RAPGEF4: variants seen among roughly 807,000 people sequenced by gnomAD.
RAPGEF4 encodes the protein RAP guanine-nucleotide-exchange factor (GEF) 4.
RAPGEF4 carries 66 observed loss-of-function variants against 147.9 expected under a neutral mutation model. That is an observed-to-expected ratio of 0.45 (90% confidence interval 0.37 to 0.55). RAPGEF4 has a LOEUF of 0.55. Among genes scored for constraint, RAPGEF4 ranks in the 20% least tolerant of loss-of-function variants. The pLI is 0.00. For missense variants in RAPGEF4, 1,071 were observed against 1,257.3 expected (o/e 0.85, Z 2.24); for synonymous variants, 419 against 442.7 (o/e 0.95, Z 0.67).
intron 4 of RAPGEF4, among the ~76,000 whole-genome samples, chr2:172,861,497 G>A (rs1332831096): frequency 6.6e-6 from 1 of 152,232 alleles, no homozygotes; most frequent in Non-Finnish European, 1.5e-5. Context: ...GACACAGGAA[G>A]TGAATGCTAT....
chr2:172,806,033 G>C (rs1052523817), intron 3 of RAPGEF4, among the ~76,000 whole-genome samples: 3 of 151,396 alleles, frequency 2.0e-5, no homozygotes, highest in Non-Finnish European at 4.4e-5. Flanking sequence ...GTGTGTGTGT[G>C]TGTGTGTGTG....
chr2:172,776,213 T>C (rs1684146442), intron 1 of RAPGEF4, among the ~76,000 whole-genome samples: 1 of 152,170 alleles, frequency 6.6e-6, no homozygotes, highest in South Asian at 2.1e-4. Flanking sequence ...TATGAGAAAG[T>C]CAAGGCTCAG....
At chr2:172,892,004 TA>T (rs1697971555) in intron 4 of RAPGEF4, among the ~76,000 whole-genome samples, 1 of 152,198 alleles carries the variant, frequency 6.6e-6, no homozygotes, top group South Asian at 2.1e-4. Flanking sequence ...ACCCATTTTT[TA>T]TAAAATGACC....
At chr2:173,030,383 G>C in intron 26 of RAPGEF4, 129 bp downstream of exon 26, 1 of 703,956 alleles carries the variant, frequency 1.4e-6, no homozygotes, top group Non-Finnish European at 2.4e-6. Flanking sequence ...CACTTGGAGG[G>C]AGGTGACCTG....
At chr2:173,041,345 A>G (rs1232745687) in intron 29 of RAPGEF4, among the ~76,000 whole-genome samples, 1 of 152,194 alleles carries the variant, frequency 6.6e-6, no homozygotes, top group Non-Finnish European at 1.5e-5. Flanking sequence ...AATCTATGGG[A>G]GTACTTTGAG....
At chr2:173,015,869 A>G (rs1695466247) in intron 18 of RAPGEF4, among the ~76,000 whole-genome samples, 2 of 152,204 alleles carry the variant, frequency 1.3e-5, no homozygotes, top group African/African-American at 4.8e-5. Context: ...AATAAACAAT[A>G]CATACCAAAA....
intron 1 of RAPGEF4, chr2:172,744,352 T>C: frequency 4.4e-6 from 2 of 455,002 alleles, no homozygotes; most frequent in South Asian, 3.1e-5. Context: ...GCCAAGTTAT[T>C]AATCTTTTTG....
intron 6 of RAPGEF4, among the ~76,000 whole-genome samples, chr2:172,940,417 G>A (rs1449204711): frequency 6.6e-6 from 1 of 151,994 alleles, no homozygotes; most frequent in Non-Finnish European, 1.5e-5. Flanking sequence ...TCATGGGTTG[G>A]TGCTGTCTTG....
In RAPGEF4 at chr2:172,786,216, C is replaced by T. The variant is rs546863641; in HGVS notation, c.66-8809C>T. On this transcript the variant is annotated intron_variant, in intron 1 of 30. Coordinates refer to ENST00000397081, the MANE Select transcript of RAPGEF4 (RefSeq NM_007023.4). ...CTGGAATCCAGAACCTTTGCTATTG[C>T]CTGGATGCCTGACTTTGATAGTTTC... Among the ~76,000 whole-genome samples, 5 of 152,198 alleles carry T rather than the reference C, an allele frequency of 3.3e-5. No homozygotes were observed. In the South Asian group the frequency reaches 1.0e-3, roughly 32 times the overall value.
rs1459200381 is a variant in RAPGEF4 at position 172,744,510 on chromosome 2, A to G, written c.65+8462A>G. ...TAAAAATTTAGGAGTCAGACTGTAT[A>G]GGCTCAAACCCCAGTTTTAATTTTA... On this transcript the variant is annotated intron_variant, in intron 1 of 30. Coordinates refer to ENST00000397081, the MANE Select transcript of RAPGEF4 (RefSeq NM_007023.4). 4 of 421,670 alleles carry G rather than the reference A, an allele frequency of 9.5e-6. No individual in the cohort carries two copies. The East Asian group carries it at 2.3e-4, about 24-fold the overall frequency. The allele number at this position is 421,670 out of a possible 1,614,324, so 26.1% of individuals were successfully genotyped here.
intron 17 of RAPGEF4, among the ~76,000 whole-genome samples, 165 bp from the exon 18 acceptor site, chr2:173,014,299 C>T (rs1434882659): frequency 1.3e-5 from 2 of 152,242 alleles, no homozygotes; most frequent in Non-Finnish European, 2.9e-5. Flanking sequence ...TGCATGCATT[C>T]GGCACAGACA....
chr2:173,024,418 C>T (rs1197574481), intron 23 of RAPGEF4, among the ~76,000 whole-genome samples: 3 of 150,338 alleles, frequency 2.0e-5, no homozygotes. Context: ...GGGGTTTCAC[C>T]GTTTTAGCCA....
intron 4 of RAPGEF4, among the ~76,000 whole-genome samples, chr2:172,831,535 T>C (rs1690359782): frequency 1.3e-5 from 2 of 151,896 alleles, no homozygotes; most frequent in African/African-American, 4.8e-5. Flanking sequence ...GCCCAAAGTG[T>C]TGGAATTACA....
intron 1 of RAPGEF4, among the ~76,000 whole-genome samples, chr2:172,775,513 G>C (rs1300757129): frequency 6.6e-6 from 1 of 152,134 alleles, no homozygotes; most frequent in East Asian, 1.9e-4. Flanking sequence ...GCTGCCTGGG[G>C]CTTTTCATTC....
intron 17 of RAPGEF4, among the ~76,000 whole-genome samples, chr2:173,004,743 C>T (rs193049163): frequency 6.6e-6 from 1 of 152,048 alleles, no homozygotes; most frequent in East Asian, 1.9e-4. Context: ...CATCTCACCA[C>T]CATTAATAAA....
intron 1 of RAPGEF4, among the ~76,000 whole-genome samples, chr2:172,749,628 C>T (rs1256513133): frequency 2.6e-5 from 4 of 152,210 alleles, no homozygotes; most frequent in Non-Finnish European, 5.9e-5. Context: ...CTCTGACGTG[C>T]CCTGGAGACG....
At chr2:172,735,795 T>C (rs1412029191), upstream of RAPGEF4, 3 of 259,092 alleles carry the variant, frequency 1.2e-5, no homozygotes, top group Admixed American at 1.1e-4. Context: ...GCCCCCCGGG[T>C]CCCCTCCCTC....
At chr2:172,953,231 CTTTTATATCTATTATA>C (rs1343815019) in intron 6 of RAPGEF4, among the ~76,000 whole-genome samples, 1 of 147,752 alleles carries the variant, frequency 6.8e-6, no homozygotes, top group Non-Finnish European at 1.5e-5. Context: ...AATATACAAT[CTTTTATATCTATTATA>C]TATTATATCT....
chr2:172,825,251 A>T (rs954194412), intron 4 of RAPGEF4, among the ~76,000 whole-genome samples: 7 of 152,250 alleles, frequency 4.6e-5, no homozygotes, highest in Non-Finnish European at 7.3e-5. Context: ...ATCATCTAAC[A>T]CAAAGCCTAT....
Sources: allele counts gnomAD v4.1 joint callset (sites outside exome capture counted in the v4.1 genomes callset), GRCh38; gene constraint gnomAD v4.1.1; transcripts MANE v1.5; gene names NCBI Gene and HGNC (gene_info 2026-07-23, HGNC 2026-07-21).